The following KANK1 variants were observed in gnomAD, a reference collection of about 807,000 sequenced individuals.
KANK1 encodes the protein KN motif and ankyrin repeat domains 1, also known as KN motif and ankyrin repeat domain-containing protein 1.
KANK1 carries 109 observed loss-of-function variants against 106.2 expected under a neutral mutation model. That is an observed-to-expected ratio of 1.03 (90% confidence interval 0.88 to 1.20). KANK1 has a LOEUF of 1.20. Ranked by LOEUF, KANK1 falls within the 50% of genes most tolerant of loss-of-function variation. KANK1 has a pLI of 0.00. For missense variants in KANK1, 2,399 were observed against 1,710.7 expected, an observed-to-expected ratio of 1.40 and a Z score of -7.10; for synonymous variants, 873 against 652.2, an observed-to-expected ratio of 1.34 and a Z score of -5.16.
chr9:550,471 G>A (rs987078900), intron 1 of KANK1, among the ~76,000 whole-genome samples: 16 of 152,152 alleles, frequency 1.1e-4, no homozygotes, highest in African/African-American at 3.1e-4. Flanking sequence ...CACGCCAGGT[G>A]GCGTGGCTCA....
chr9:554,438 G>A (rs552481420), intron 1 of KANK1, among the ~76,000 whole-genome samples: 3 of 152,194 alleles, frequency 2.0e-5, no homozygotes, highest in Non-Finnish European at 4.4e-5. Flanking sequence ...CATCCATGTT[G>A]GCGGTCTTAA....
intron 3 of KANK1, among the ~76,000 whole-genome samples, chr9:723,425 A>T (rs1209107898): frequency 2.0e-5 from 3 of 152,194 alleles, no homozygotes; most frequent in Admixed American, 1.3e-4. Context: ...ACAGGCGTAT[A>T]CATCTACCAA....
intron 1 of KANK1, among the ~76,000 whole-genome samples, chr9:514,090 CCTT>C (rs1338603587): frequency 6.7e-6 from 1 of 149,480 alleles, no homozygotes; most frequent in Admixed American, 6.6e-5. Flanking sequence ...CTCCTTCCCT[CCTT>C]CTCTTACTCC....
intron 1 of KANK1, among the ~76,000 whole-genome samples, chr9:670,128 T>C (rs1421920061): frequency 6.6e-6 from 1 of 152,166 alleles, no homozygotes; most frequent in Non-Finnish European, 1.5e-5. Context: ...TGAATTGCTT[T>C]TCTTTGTTGT....
intron 1 of KANK1, among the ~76,000 whole-genome samples, chr9:618,545 C>T (rs1442719656): frequency 1.3e-5 from 2 of 152,056 alleles, no homozygotes; most frequent in African/African-American, 4.8e-5. Context: ...CAGATATTTT[C>T]TCTTAGTCAA....
chr9:609,490 G>A (rs1007832719), intron 1 of KANK1, among the ~76,000 whole-genome samples: 8 of 152,094 alleles, frequency 5.3e-5, no homozygotes, highest in Non-Finnish European at 1.0e-4. Context: ...TTAGCTGGGT[G>A]TGGTGGCGTG....
At chr9:493,412 C>CACAGAAGGGGCAAGT (rs2058409649) in intron 3 of KANK1, among the ~76,000 whole-genome samples, 8 of 151,924 alleles carry the variant, frequency 5.3e-5, no homozygotes, top group African/African-American at 1.9e-4. Flanking sequence ...ATGACAGAAG[C>CACAGAAGGGGCAAGT]CCCCAGTGAC....
chr9:587,895 GTC>G (rs1436148300), intron 1 of KANK1, among the ~76,000 whole-genome samples: 1 of 152,018 alleles, frequency 6.6e-6, no homozygotes, highest in Non-Finnish European at 1.5e-5. Context: ...GCGAAACCCC[GTC>G]TCTAATAAAA....
At chr9:672,530 C>T (rs1268185051) in intron 1 of KANK1, among the ~76,000 whole-genome samples, 2 of 142,800 alleles carry the variant, frequency 1.4e-5, no homozygotes, top group Non-Finnish European at 3.2e-5. Context: ...TTAACATTAG[C>T]TGCCATCAAC....
Position 742,204 on chromosome 9 carries a change from G to T in KANK1, c.3697-1G>T, listed in dbSNP as rs369883510. 2.1e-5 allele frequency: 34 copies of T among 1,613,892 alleles called. No individual in the cohort carries two copies. Among genetic ancestry groups the T allele is most frequent in the Non-Finnish European group, 2.8e-5 (33 of 1,179,932 alleles). ...GAAGTCCTTGTCATCTCTTCCCATAGGCGGGACAGACGGCCCTCATGCTGG... is the reference window on the plus strand; with the variant it reads ...GAAGTCCTTGTCATCTCTTCCCATATGCGGGACAGACGGCCCTCATGCTGG... On this transcript the variant is annotated splice_acceptor_variant, in intron 9 of 11. Coordinates refer to ENST00000382297, the MANE Select transcript of KANK1 (RefSeq NM_015158.5). LOFTEE classifies it high-confidence loss of function.
At chr9:668,221 A>G (rs1264408364) in intron 1 of KANK1, among the ~76,000 whole-genome samples, 2 of 152,204 alleles carry the variant, frequency 1.3e-5, no homozygotes, top group African/African-American at 2.4e-5. Flanking sequence ...TTTTATAAAT[A>G]TCAGTTGGAC....
chr9:674,486 A>C (rs961208713), intron 1 of KANK1: 1 of 152,142 alleles, frequency 6.6e-6, no homozygotes, highest in African/African-American at 2.4e-5. Flanking sequence ...AACCCATTTA[A>C]ACAATGAGGG....
At chr9:623,541 A>T (rs1833657493) in intron 1 of KANK1, among the ~76,000 whole-genome samples, 1 of 151,366 alleles carries the variant, frequency 6.6e-6, no homozygotes, top group Non-Finnish European at 1.5e-5. Context: ...AGAGGTCGAG[A>T]CTGCATTGAG....
intron 1 of KANK1, among the ~76,000 whole-genome samples, chr9:563,718 C>G (rs959273393): frequency 1.8e-4 from 27 of 152,128 alleles, no homozygotes; most frequent in African/African-American, 5.8e-4. Flanking sequence ...AGAGGTTTCT[C>G]TTCTTTTTAA....
chr9:569,362 C>T (rs764399745), intron 1 of KANK1, among the ~76,000 whole-genome samples: 56 of 152,060 alleles, frequency 3.7e-4, no homozygotes, highest in Non-Finnish European at 7.2e-4. Flanking sequence ...TGGCTCTGCC[C>T]TCATGAATGG....
Position 711,791 on chromosome 9 carries a change from G to A in KANK1, c.1025G>A (p.Gly342Asp). The A allele has an allele frequency of 6.2e-7, 1 of 1,614,174 alleles. No individual in the cohort carries two copies. Among genetic ancestry groups the A allele is most frequent in the South Asian group, 1.1e-5 (1 of 91,090 alleles). ...CAGCTCTCCCGGGCCCGAAGAAGTG[G>A]CGGGGAATTATACATTGACTATGAG... ...LEQLSRARRS[G>D]GELYIDYEEE... The change falls in exon 3 of 12, where the codon GGC (glycine) becomes GAC (aspartate). Residue 342 changes from glycine (G) to aspartate (D), a missense_variant. Gly to Asp is a moderately conservative substitution (Grantham distance 94). Transcript: ENST00000382297.
intron 10 of KANK1, 49 bp downstream of exon 10, chr9:742,454 G>T: frequency 1.4e-6 from 2 of 1,480,934 alleles, no homozygotes; most frequent in South Asian, 1.2e-5. Flanking sequence ...GGGGACTCTG[G>T]ACGGGAGCTC....
At chr9:740,191 G>T (rs1481597322) in intron 8 of KANK1, among the ~76,000 whole-genome samples, 1 of 152,168 alleles carries the variant, frequency 6.6e-6, no homozygotes, top group Non-Finnish European at 1.5e-5. Flanking sequence ...TACAAGAATA[G>T]AAAAGGTCTG....
intron 1 of KANK1, among the ~76,000 whole-genome samples, chr9:553,005 G>A (rs941121743): frequency 7.2e-5 from 11 of 152,212 alleles, no homozygotes; most frequent in African/African-American, 2.4e-4. Context: ...AATTATCCAG[G>A]CCTGGTGGCA....
Sources: allele counts gnomAD v4.1 joint callset (sites outside exome capture counted in the v4.1 genomes callset), GRCh38; gene constraint gnomAD v4.1.1; transcripts MANE v1.5; gene names NCBI Gene and HGNC (gene_info 2026-07-23, HGNC 2026-07-21).